Variants in TLL2 observed in about 807,000 individuals in gnomAD.
The protein encoded by TLL2 is tolloid like 2.
TLL2 carries 106 observed loss-of-function variants against 123.0 expected under a neutral mutation model. The observed-to-expected ratio is 0.86, with a 90% CI of 0.74 to 1.01. TLL2 has a LOEUF of 1.01. Among genes scored for constraint, TLL2 ranks in the 50% least tolerant of loss-of-function variants. The probability of loss-of-function intolerance (pLI) is 0.00; values close to 1 mark genes in which losing one functional copy is unlikely to be tolerated. For synonymous variants in TLL2, 494 were observed against 516.8 expected (o/e 0.96, Z 0.60); for missense variants, 1,332 against 1,336.7 (o/e 1.00, Z 0.06).
intron 3 of TLL2, among the ~76,000 whole-genome samples, chr10:96,442,623 A>G (rs555200529): frequency 1.2e-3 from 188 of 152,288 alleles, no homozygotes; most frequent in Non-Finnish European, 2.5e-3. Context: ...AACCAGGGCC[A>G]TTTGGGGGAA....
chr10:96,398,673 T>C (rs1452666636), intron 10 of TLL2, among the ~76,000 whole-genome samples: 1 of 151,952 alleles, frequency 6.6e-6, no homozygotes, highest in Admixed American at 6.6e-5. Context: ...CAGGGCGAGG[T>C]GGGAGATGGG....
intron 2 of TLL2, among the ~76,000 whole-genome samples, chr10:96,463,574 G>A (rs1422042987): frequency 1.3e-5 from 2 of 152,216 alleles, no homozygotes; most frequent in Non-Finnish European, 2.9e-5. Context: ...TTGTGAGGGG[G>A]CTTCAAGCAC....
intron 2 of TLL2, among the ~76,000 whole-genome samples, chr10:96,454,872 AC>A (rs894381335): frequency 6.6e-6 from 1 of 152,194 alleles, no homozygotes; most frequent in Admixed American, 6.5e-5. Flanking sequence ...CATATTTTAT[AC>A]CTGAAGCACC....
At chr10:96,441,776 G>A (rs958458018) in intron 3 of TLL2, among the ~76,000 whole-genome samples, 1 of 152,162 alleles carries the variant, frequency 6.6e-6, no homozygotes, top group Admixed American at 6.5e-5. Flanking sequence ...CTGCATTTGA[G>A]ACAGGCTAAA....
At chr10:96,431,838 T>A (rs1304338584) in intron 4 of TLL2, among the ~76,000 whole-genome samples, 1 of 152,036 alleles carries the variant, frequency 6.6e-6, no homozygotes, top group Non-Finnish European at 1.5e-5. Context: ...TCCCTTGACA[T>A]AAGACTCAAA....
chr10:96,442,758 T>C (rs1846861997), intron 3 of TLL2, among the ~76,000 whole-genome samples: 1 of 152,030 alleles, frequency 6.6e-6, no homozygotes, highest in Admixed American at 6.6e-5. Context: ...GCCGTCTTCC[T>C]TCCTGTCCTC....
At chr10:96,473,991 C>A (rs905861716) in intron 2 of TLL2, among the ~76,000 whole-genome samples, 2 of 152,092 alleles carry the variant, frequency 1.3e-5, no homozygotes, top group Admixed American at 6.6e-5. Context: ...AAAGTGTATG[C>A]GCGCCTGTGT....
At chr10:96,381,329 G>A (rs1269081921) in intron 16 of TLL2, among the ~76,000 whole-genome samples, 2 of 152,144 alleles carry the variant, frequency 1.3e-5, no homozygotes, top group African/African-American at 4.8e-5. Flanking sequence ...CTGTTTCATC[G>A]GGTCCCTACT....
At chr10:96,428,865 T>TG in intron 4 of TLL2, 117 bp from the exon 5 acceptor site, 1 of 648,758 alleles carries the variant, frequency 1.5e-6, no homozygotes, top group Non-Finnish European at 2.6e-6. Context: ...AGTGCAATAG[T>TG]GCGATCTCGG....
intron 1 of TLL2, among the ~76,000 whole-genome samples, chr10:96,513,020 G>A (rs1327419243): frequency 6.6e-6 from 1 of 152,256 alleles, no homozygotes; most frequent in Non-Finnish European, 1.5e-5. Context: ...TTTGCCCGCT[G>A]TGACGCTTTT....
intron 19 of TLL2, among the ~76,000 whole-genome samples, chr10:96,370,983 C>T (rs549578553): frequency 6.6e-6 from 1 of 152,096 alleles, no homozygotes; most frequent in African/African-American, 2.4e-5. Flanking sequence ...GCCCTGGTCC[C>T]ATATATAGTA....
At chr10:96,376,575 TG>T in intron 18 of TLL2, 116 bp downstream of exon 18, 1 of 1,131,612 alleles carries the variant, frequency 8.8e-7, no homozygotes, top group Non-Finnish European at 1.2e-6. Context: ...AACTGAGACC[TG>T]GAAATGTTGA....
intron 2 of TLL2, among the ~76,000 whole-genome samples, chr10:96,478,676 T>C (rs2134103397): frequency 6.6e-6 from 1 of 152,140 alleles, no homozygotes; most frequent in East Asian, 1.9e-4. Context: ...GCAATGTGAG[T>C]GAATTTCAGT....
In TLL2 at chr10:96,457,150, C is replaced by T. The variant is rs546458089; in HGVS notation, c.287-10982G>A. ...CACATTGTAGGGACCCAGACATAGC[C>T]TTACTGATGATTATTTTTGGGTCCC... On this transcript the variant is annotated intron_variant, in intron 2 of 20. Transcript: ENST00000357947. Among the ~76,000 whole-genome samples the T allele has an allele frequency of 3.4e-4, 52 of 152,276 alleles. 1 individual carries two copies. In the South Asian group the frequency reaches 0.011, roughly 32 times the overall value.
chr10:96,402,891 C>T (rs572092086), intron 10 of TLL2, among the ~76,000 whole-genome samples: 1 of 152,196 alleles, frequency 6.6e-6, no homozygotes, highest in Non-Finnish European at 1.5e-5. Flanking sequence ...AGCAGTGACA[C>T]CCCACAGTTT....
intron 1 of TLL2, among the ~76,000 whole-genome samples, chr10:96,505,255 C>T (rs779832619): frequency 6.6e-6 from 1 of 152,138 alleles, no homozygotes; most frequent in African/African-American, 2.4e-5. Context: ...TGTGAGAACT[C>T]GCTCACCATC....
chr10:96,402,874 T>C (rs1846409060), intron 10 of TLL2, among the ~76,000 whole-genome samples: 1 of 152,180 alleles, frequency 6.6e-6, no homozygotes, highest in Non-Finnish European at 1.5e-5. Context: ...AAGTCAGGGC[T>C]CGGTCTAGCA....
intron 9 of TLL2, among the ~76,000 whole-genome samples, chr10:96,407,157 G>A (rs1399401713): frequency 6.6e-6 from 1 of 151,928 alleles, no homozygotes; most frequent in Non-Finnish European, 1.5e-5. Context: ...CCCATCTCAT[G>A]AATTAAATTC....
intron 2 of TLL2, among the ~76,000 whole-genome samples, chr10:96,459,888 AC>A (rs1186191679): frequency 3.3e-5 from 5 of 151,178 alleles, no homozygotes; most frequent in Middle Eastern, 3.5e-3. Flanking sequence ...TATCAGTCCT[AC>A]CCCAAAATAA....
Sources: gnomAD v4.1 joint callset for allele counts (sites outside exome capture counted in the v4.1 genomes callset) on GRCh38, gnomAD v4.1.1 for gene constraint, MANE v1.5 for transcripts, NCBI Gene and HGNC (gene_info 2026-07-23, HGNC 2026-07-21) for gene names.